The following MALRD1 variants were observed in gnomAD, a reference collection of about 807,000 sequenced individuals.
The protein encoded by MALRD1 is MAM and LDL receptor class A domain containing 1.
Under a neutral mutation model 242.1 loss-of-function variants are expected in MALRD1, and 247 were observed. The observed-to-expected ratio is 1.02, with a 90% CI of 0.92 to 1.13. MALRD1 has a LOEUF of 1.13. Ranked by LOEUF, MALRD1 falls within the 50% of genes most tolerant of loss-of-function variation. The probability of loss-of-function intolerance (pLI) is 0.00; values close to 1 mark genes in which losing one functional copy is unlikely to be tolerated. For synonymous variants in MALRD1, 995 were observed against 866.6 expected, an observed-to-expected ratio of 1.15 and a Z score of -2.60; for missense variants, 2,989 against 2,533.1, an observed-to-expected ratio of 1.18 and a Z score of -3.86.
chr10:19,215,663 T>A (rs1412414768), intron 18 of MALRD1, among the ~76,000 whole-genome samples: 1 of 152,122 alleles, frequency 6.6e-6, no homozygotes, highest in Non-Finnish European at 1.5e-5. Flanking sequence ...CTTTTCAAAC[T>A]AATGTCTACT....
intron 38 of MALRD1, among the ~76,000 whole-genome samples, chr10:19,694,713 C>G (rs547072945): frequency 6.6e-6 from 1 of 152,286 alleles, no homozygotes; most frequent in African/African-American, 2.4e-5. Context: ...CCCAGCCATC[C>G]ATTACTGGGT....
chr10:19,240,010 G>C (rs1838686814), intron 18 of MALRD1, among the ~76,000 whole-genome samples: 1 of 151,910 alleles, frequency 6.6e-6, no homozygotes, highest in Non-Finnish European at 1.5e-5. Flanking sequence ...CAAATTGTAG[G>C]GTACTTTTTT....
chr10:19,460,878 A>G (rs6481930), intron 29 of MALRD1, among the ~76,000 whole-genome samples: 123,922 of 152,094 alleles, frequency 0.81, 50,682 homozygotes, highest in East Asian at 1. Flanking sequence ...CACTCTGCGC[A>G]GTCCGGGAAT....
intron 4 of MALRD1, among the ~76,000 whole-genome samples, chr10:19,103,509 G>T (rs1353399915): frequency 7.0e-6 from 1 of 142,416 alleles, no homozygotes; most frequent in African/African-American, 2.6e-5. Flanking sequence ...TGTAGATCGT[G>T]CCACTGCACT....
rs186773824 is a variant in MALRD1 at position 19,725,433 on chromosome 10, C to T, written c.6315-5273C>T. Among the ~76,000 whole-genome samples the T allele has an allele frequency of 1.8e-3, 269 of 152,280 alleles. 1 individual carries two copies. Among genetic ancestry groups the T allele is most frequent in the Admixed American group, 3.9e-3 (59 of 15,300 alleles). ...GCCATGATTGTAAGTTACCTGAGGC[C>T]TCCCCAGGCCTGTGGAACTGTGAGT... is the stretch of plus-strand genomic sequence containing the variant. On this transcript the variant is annotated intron_variant, in intron 38 of 39. Transcript: ENST00000454679.
chr10:19,731,296 T>G (rs548406758), intron 39 of MALRD1, among the ~76,000 whole-genome samples: 16 of 152,322 alleles, frequency 1.1e-4, no homozygotes, highest in African/African-American at 3.4e-4. Context: ...CTTATTTTTA[T>G]AAGCAGGGAG....
chr10:19,561,571 A>G (rs140158941), intron 32 of MALRD1, among the ~76,000 whole-genome samples: 120 of 152,288 alleles, frequency 7.9e-4, no homozygotes, highest in African/African-American at 2.4e-3. Context: ...ATAATGCTAT[A>G]CCAGGCCATT....
intron 36 of MALRD1, among the ~76,000 whole-genome samples, chr10:19,665,049 T>C (rs1056413179): frequency 1.3e-5 from 2 of 152,144 alleles, no homozygotes; most frequent in African/African-American, 4.8e-5. Context: ...CTACCCATCT[T>C]AGGTTCATTA....
chr10:19,712,760 C>G (rs1191995384), intron 38 of MALRD1, among the ~76,000 whole-genome samples: 1 of 152,040 alleles, frequency 6.6e-6, no homozygotes, highest in Non-Finnish European at 1.5e-5. Flanking sequence ...CTGGACCTTT[C>G]CAACTGTGGA....
At chr10:19,524,528 G>T (rs1399917528) in intron 31 of MALRD1, among the ~76,000 whole-genome samples, 1 of 151,954 alleles carries the variant, frequency 6.6e-6, no homozygotes, top group Non-Finnish European at 1.5e-5. Context: ...AGCACAAAAA[G>T]AGATTGAGAG....
chr10:19,401,766 C>G (rs990604226), intron 28 of MALRD1, among the ~76,000 whole-genome samples: 4 of 151,760 alleles, frequency 2.6e-5, no homozygotes. Context: ...TGGCAGCCAA[C>G]AGGCACACAC....
intron 1 of MALRD1, among the ~76,000 whole-genome samples, chr10:19,054,217 CTT>C (rs777545095): frequency 4.6e-5 from 7 of 151,952 alleles, no homozygotes; most frequent in Non-Finnish European, 8.8e-5. Flanking sequence ...TCTTCATTCT[CTT>C]TTATTATTTT....
intron 36 of MALRD1, among the ~76,000 whole-genome samples, chr10:19,626,869 T>A (rs140271455): frequency 7.5e-4 from 114 of 152,250 alleles, no homozygotes; most frequent in African/African-American, 2.7e-3. Flanking sequence ...AAATAGGCAG[T>A]TGGATTTTAA....
intron 26 of MALRD1, among the ~76,000 whole-genome samples, chr10:19,368,197 C>A (rs1381726857): frequency 6.6e-6 from 1 of 151,858 alleles, no homozygotes; most frequent in Non-Finnish European, 1.5e-5. Flanking sequence ...ATTGAGTTCC[C>A]AGCCAAAACT....
intron 29 of MALRD1, among the ~76,000 whole-genome samples, chr10:19,458,043 T>G (rs149354119): frequency 4.6e-5 from 7 of 152,250 alleles, no homozygotes; most frequent in African/African-American, 1.4e-4. Context: ...TATATATGAC[T>G]ATTTTTATAC....
intron 26 of MALRD1, among the ~76,000 whole-genome samples, chr10:19,355,464 A>C (rs1844580344): frequency 6.6e-6 from 1 of 151,908 alleles, no homozygotes; most frequent in African/African-American, 2.4e-5. Flanking sequence ...CATTCATATA[A>C]AGTATGATAA....
chr10:19,530,377 A>ACATATAT (rs1834314558), intron 31 of MALRD1, among the ~76,000 whole-genome samples: 2 of 89,774 alleles, frequency 2.2e-5, no homozygotes, highest in African/African-American at 7.7e-5. Flanking sequence ...ATATTTATAT[A>ACATATAT]AATATTATAT....
intron 39 of MALRD1, among the ~76,000 whole-genome samples, chr10:19,731,717 A>C (rs1835304398): frequency 6.6e-6 from 1 of 152,142 alleles, no homozygotes. Flanking sequence ...TCTGGATATA[A>C]AGTAAGTTTA....
chr10:19,614,132 C>G (rs1240065270), intron 35 of MALRD1, among the ~76,000 whole-genome samples: 1 of 151,892 alleles, frequency 6.6e-6, no homozygotes, highest in Non-Finnish European at 1.5e-5. Context: ...ACTGGTTGTT[C>G]TTCTAACAGT....
Sources: allele counts gnomAD v4.1 joint callset (sites outside exome capture counted in the v4.1 genomes callset), GRCh38; gene constraint gnomAD v4.1.1; transcripts MANE v1.5; gene names NCBI Gene and HGNC (gene_info 2026-07-23, HGNC 2026-07-21).